Variants in SPOCK3 observed in about 807,000 individuals in gnomAD.
SPOCK3 encodes the protein SPARC (osteonectin), cwcv and kazal like domains proteoglycan 3.
SPOCK3 carries 30 observed loss-of-function variants against 56.6 expected under a neutral mutation model. The ratio of observed to expected loss-of-function variants is 0.53; its 90% CI spans 0.40 to 0.72. SPOCK3 has a LOEUF of 0.72. Among genes scored for constraint, SPOCK3 ranks in the 30% least tolerant of loss-of-function variants. The pLI is 0.00. For synonymous variants in SPOCK3, 196 were observed against 183.3 expected, an observed-to-expected ratio of 1.07 and a Z score of -0.56; for missense variants, 527 against 530.0, an observed-to-expected ratio of 0.99 and a Z score of 0.06.
intron 5 of SPOCK3, among the ~76,000 whole-genome samples, chr4:166,907,222 A>G (rs143213767): frequency 6.6e-6 from 1 of 152,204 alleles, no homozygotes; most frequent in Non-Finnish European, 1.5e-5. Context: ...TATCTTCCCT[A>G]CAGATAGACC....
At chr4:166,928,957 G>C (rs940419438) in intron 4 of SPOCK3, among the ~76,000 whole-genome samples, 1 of 151,556 alleles carries the variant, frequency 6.6e-6, no homozygotes, top group Non-Finnish European at 1.5e-5. Flanking sequence ...GATAGAGTGA[G>C]ACTCTGCCTC....
At chr4:166,813,602 C>T (rs1744070356) in intron 6 of SPOCK3, among the ~76,000 whole-genome samples, 1 of 151,240 alleles carries the variant, frequency 6.6e-6, no homozygotes, top group African/African-American at 2.4e-5. Context: ...ACATATGCTG[C>T]ATATACAATA....
chr4:166,790,514 T>C (rs1741229492), intron 7 of SPOCK3, among the ~76,000 whole-genome samples: 2 of 152,160 alleles, frequency 1.3e-5, no homozygotes, highest in South Asian at 4.1e-4. Flanking sequence ...CTTCAAGCAG[T>C]ATACATAATC....
At position 166,956,015 on chromosome 4, in the gene SPOCK3, A is replaced by C. The variant is rs368649679; in HGVS notation, c.351-43272T>G. Among the ~76,000 whole-genome samples the C allele has an allele frequency of 2.1e-3, 313 of 152,008 alleles. 4 individuals carry two copies. Among genetic ancestry groups the C allele is most frequent in the African/African-American group, 7.2e-3 (298 of 41,456 alleles). Reference sequence around the variant, plus strand: ...TCCTGGTACATTGTCACTAACTCCAACAGTTCTTGGTGAGTTCAGTATCCA... The same window carrying C: ...TCCTGGTACATTGTCACTAACTCCACCAGTTCTTGGTGAGTTCAGTATCCA... On this transcript the variant is annotated intron_variant, in intron 4 of 10. Coordinates refer to ENST00000357545, the MANE Select transcript of SPOCK3 (RefSeq NM_001040159.2).
chr4:166,853,801 G>C (rs992176794), intron 6 of SPOCK3, among the ~76,000 whole-genome samples: 2 of 151,896 alleles, frequency 1.3e-5, no homozygotes, highest in African/African-American at 4.8e-5. Context: ...AGAATAGCTT[G>C]AACCCAGAAG....
chr4:167,210,634 T>C (rs1196391970), intron 2 of SPOCK3, among the ~76,000 whole-genome samples: 2 of 152,146 alleles, frequency 1.3e-5, no homozygotes, highest in African/African-American at 2.4e-5. Flanking sequence ...ATGAAGAATG[T>C]TTGTTTTTGA....
chr4:167,048,076 A>T (rs2150214308), intron 3 of SPOCK3, among the ~76,000 whole-genome samples: 1 of 152,284 alleles, frequency 6.6e-6, no homozygotes, highest in South Asian at 2.1e-4. Context: ...ACTATTCCTG[A>T]GTTCCATATA....
At chr4:166,824,352 G>T (rs1011546408) in intron 6 of SPOCK3, among the ~76,000 whole-genome samples, 93 of 152,156 alleles carry the variant, frequency 6.1e-4, no homozygotes, top group African/African-American at 2.1e-3. Flanking sequence ...AGCCAACATT[G>T]ATTGCTGCCA....
rs189350137 is a variant in SPOCK3 at position 166,849,555 on chromosome 4, A to G, written c.589+39575T>C. Reference sequence around the variant, plus strand: ...GAGAACAAGAAATTTAAAGGCATCTATATTCATTTACTATTATAAAACATC... The same window carrying G: ...GAGAACAAGAAATTTAAAGGCATCTGTATTCATTTACTATTATAAAACATC... On this transcript the variant is annotated intron_variant, in intron 6 of 10. Coordinates refer to ENST00000357545, the MANE Select transcript of SPOCK3 (RefSeq NM_001040159.2). 9.4e-4 allele frequency among the ~76,000 whole-genome samples: 143 copies of G among 152,302 alleles called. 1 individual carries two copies. The highest frequency in any genetic ancestry group is 3.2e-3 in the African/African-American group (134 of 41,572).
chr4:167,205,266 C>T (rs1263398465), intron 2 of SPOCK3, among the ~76,000 whole-genome samples: 4 of 50,958 alleles, frequency 7.8e-5, no homozygotes, highest in Non-Finnish European at 1.0e-4. Flanking sequence ...TATTTTATAT[C>T]TATAATATAT....
At chr4:167,156,949 A>C (rs2150429197) in intron 2 of SPOCK3, among the ~76,000 whole-genome samples, 1 of 152,274 alleles carries the variant, frequency 6.6e-6, no homozygotes, top group Middle Eastern at 3.4e-3. Context: ...ATTTTTATCA[A>C]ATATCATGAT....
intron 2 of SPOCK3, among the ~76,000 whole-genome samples, chr4:167,137,936 A>C (rs1763251884): frequency 6.6e-6 from 1 of 151,906 alleles, no homozygotes; most frequent in Admixed American, 6.6e-5. Flanking sequence ...TATTAGGAGT[A>C]ATAAAAATCA....
intron 2 of SPOCK3, among the ~76,000 whole-genome samples, chr4:167,197,124 C>T (rs71620425): frequency 6.6e-5 from 10 of 152,196 alleles, no homozygotes; most frequent in Admixed American, 2.6e-4. Context: ...CTTGGGTCAA[C>T]TCTGGGTAGC....
intron 6 of SPOCK3, among the ~76,000 whole-genome samples, chr4:166,853,258 G>T (rs1220615966): frequency 6.6e-6 from 1 of 152,066 alleles, no homozygotes; most frequent in Non-Finnish European, 1.5e-5. Flanking sequence ...ACTGGTAATA[G>T]GTGAAATTCA....
At chr4:167,151,162 G>A (rs1764381870) in intron 2 of SPOCK3, among the ~76,000 whole-genome samples, 2 of 152,268 alleles carry the variant, frequency 1.3e-5, no homozygotes, top group Admixed American at 1.3e-4. Flanking sequence ...CTAAATTAGA[G>A]TCTCTGGGGT....
At chr4:166,847,647 T>TTATATATATA (rs147015731) in intron 6 of SPOCK3, among the ~76,000 whole-genome samples, 954 of 55,164 alleles carry the variant, frequency 0.017, 42 homozygotes, top group South Asian at 0.022. Flanking sequence ...AAATCCTAGT[T>TTATATATATA]TATATATATA....
chr4:167,102,922 G>GAAA lies in SPOCK3; in HGVS notation c.190-40388_190-40386dup, dbSNP rs55740507. Among the ~76,000 whole-genome samples, 32 of 62,502 alleles carry GAAA rather than the reference G, an allele frequency of 5.1e-4. 1 individual carries two copies. Among genetic ancestry groups the GAAA allele is most frequent in the African/African-American group, 7.3e-4 (12 of 16,446 alleles). The allele number at this position is 62,502 out of a possible 152,430, so 41.0% of individuals were successfully genotyped here. A position where few individuals can be genotyped will look rare whatever the true frequency, so the allele number is the denominator to read the frequency against. On this transcript the variant is annotated intron_variant, in intron 2 of 10. Coordinates refer to ENST00000357545, the MANE Select transcript of SPOCK3 (RefSeq NM_001040159.2). ...CCAACACCAGGCAATATAGCTTGCA[G>GAAA]AAAAAAAAAAAAAAAAAAAAAAAAA...
At chr4:167,035,800 C>T (rs940848589) in intron 3 of SPOCK3, among the ~76,000 whole-genome samples, 3 of 152,174 alleles carry the variant, frequency 2.0e-5, no homozygotes, top group Non-Finnish European at 4.4e-5. Flanking sequence ...AACATTAATA[C>T]AACAGCCAGT....
intron 6 of SPOCK3, among the ~76,000 whole-genome samples, chr4:166,875,189 G>C (rs1732949440): frequency 6.6e-6 from 1 of 151,818 alleles, no homozygotes; most frequent in African/African-American, 2.4e-5. Flanking sequence ...CAACACTTTT[G>C]CATATTTAAA....
Sources: gnomAD v4.1 joint callset for allele counts (sites outside exome capture counted in the v4.1 genomes callset) on GRCh38, gnomAD v4.1.1 for gene constraint, MANE v1.5 for transcripts, NCBI Gene and HGNC (gene_info 2026-07-23, HGNC 2026-07-21) for gene names.